The following LAMA2 variants were observed in gnomAD, a reference collection of about 807,000 sequenced individuals.
LAMA2 encodes the protein laminin subunit alpha 2, also known as laminin subunit alpha-2.
A neutral mutation model predicts 364.8 loss-of-function variants in LAMA2; 269 were observed. The ratio of observed to expected loss-of-function variants is 0.74; its 90% confidence interval spans 0.67 to 0.82. LAMA2 has a LOEUF of 0.82. Ranked by LOEUF, LAMA2 falls within the 40% of genes least tolerant of loss-of-function variation. The pLI is 0.00. For missense variants in LAMA2, 3,807 were observed against 3,873.2 expected, an observed-to-expected ratio of 0.98 and a Z score of 0.45; for synonymous variants, 1,379 against 1,370.6, an observed-to-expected ratio of 1.01 and a Z score of -0.14.
chr6:129,431,928 T>C (rs574681142), intron 41 of LAMA2, among the ~76,000 whole-genome samples: 90 of 152,302 alleles, frequency 5.9e-4, no homozygotes, highest in African/African-American at 2.1e-3. Context: ...TATTTTATAT[T>C]TTAAAAATAA....
At chr6:129,079,557 T>TG (rs2114835945) in intron 3 of LAMA2, among the ~76,000 whole-genome samples, 1 of 151,954 alleles carries the variant, frequency 6.6e-6, no homozygotes, top group South Asian at 2.1e-4. Context: ...TTTTCTGTTT[T>TG]TTTTTTTTTC....
intron 32 of LAMA2, among the ~76,000 whole-genome samples, chr6:129,355,446 A>G (rs973659711): frequency 4.6e-5 from 7 of 152,150 alleles, no homozygotes; most frequent in African/African-American, 1.7e-4. Flanking sequence ...ACAAGTGAGG[A>G]TGTAATTCTG....
chr6:129,465,120 TG>T, intron 50 of LAMA2, 24 bp from the exon 51 acceptor site: 1 of 1,590,608 alleles, frequency 6.3e-7, no homozygotes, highest in Non-Finnish European at 8.6e-7. Context: ...ATCTAACCAC[TG>T]GGGTATGTTT....
At chr6:129,184,976 T>G (rs1490860141) in intron 10 of LAMA2, among the ~76,000 whole-genome samples, 1 of 151,960 alleles carries the variant, frequency 6.6e-6, no homozygotes, top group East Asian at 1.9e-4. Context: ...ATACTGCTAA[T>G]TAACTAATTA....
intron 15 of LAMA2, among the ~76,000 whole-genome samples, chr6:129,262,467 T>C (rs1787200468): frequency 1.3e-5 from 2 of 151,952 alleles, no homozygotes; most frequent in African/African-American, 2.4e-5. Flanking sequence ...TGGTAACAGA[T>C]AGATAGAAGC....
At chr6:128,936,638 A>T (rs939577479) in intron 1 of LAMA2, among the ~76,000 whole-genome samples, 34 of 152,188 alleles carry the variant, frequency 2.2e-4, no homozygotes, top group African/African-American at 8.2e-4. Flanking sequence ...CAATAGAGCA[A>T]TTATAACAAT....
intron 3 of LAMA2, among the ~76,000 whole-genome samples, chr6:129,078,710 T>G (rs1773825659): frequency 6.6e-6 from 1 of 152,180 alleles, no homozygotes; most frequent in African/African-American, 2.4e-5. Flanking sequence ...GTGTACATTG[T>G]TGTGCAACCA....
At chr6:129,333,475 T>A (rs1444125188) in intron 29 of LAMA2, among the ~76,000 whole-genome samples, 2 of 152,214 alleles carry the variant, frequency 1.3e-5, no homozygotes, top group African/African-American at 2.4e-5. Flanking sequence ...ATTACTCATA[T>A]GCTTAATTGT....
intron 29 of LAMA2, among the ~76,000 whole-genome samples, chr6:129,330,622 G>A (rs550894895): frequency 2.7e-5 from 3 of 111,088 alleles, no homozygotes; most frequent in East Asian, 2.5e-4. Flanking sequence ...TTTTCCCACT[G>A]TGTCGTTTCT....
intron 4 of LAMA2, among the ~76,000 whole-genome samples, chr6:129,120,796 G>A (rs913661488): frequency 6.6e-6 from 1 of 152,074 alleles, no homozygotes; most frequent in Non-Finnish European, 1.5e-5. Flanking sequence ...CTTTTGCTGT[G>A]GTATTTGCTC....
chr6:129,432,868 A>G lies in LAMA2; in HGVS notation c.5968+5014A>G, dbSNP rs76608034. The stretch of plus-strand genomic sequence containing the variant: ...GCAGAACCTGCTACCAGACAAGTAC[A>G]CCTTCCCTCCTTTCCTGAAGCTCCT... On this transcript the variant is annotated intron_variant, in intron 41 of 64. Coordinates refer to ENST00000421865, the MANE Select transcript of LAMA2 (RefSeq NM_000426.4). Among the ~76,000 whole-genome samples, 925 of 152,228 alleles carry G rather than the reference A, an allele frequency of 6.1e-3. 8 individuals are homozygous for G. The highest frequency in any genetic ancestry group is 0.02 in the African/African-American group (825 of 41,554).
At position 129,476,105 on chromosome 6, in the gene LAMA2, C is replaced by T. The variant is rs191145040; in HGVS notation, c.7451+704C>T. Among the ~76,000 whole-genome samples, 133 of 152,286 alleles carry T rather than the reference C, an allele frequency of 8.7e-4. 4 individuals carry two copies. Among genetic ancestry groups the T allele is most frequent in the African/African-American group, 3.2e-3 (131 of 41,572 alleles). The stretch of plus-strand genomic sequence containing the variant: ...CATAAAAGCTGTGAGCAATGGGCCT[C>T]CATAAATGGCTGAACAAACCTCAGA... On this transcript the variant is annotated intron_variant, in intron 53 of 64. Coordinates refer to ENST00000421865, the MANE Select transcript of LAMA2 (RefSeq NM_000426.4).
chr6:129,123,037 C>T (rs557456058), intron 4 of LAMA2, among the ~76,000 whole-genome samples: 1 of 152,138 alleles, frequency 6.6e-6, no homozygotes, highest in Non-Finnish European at 1.5e-5. Context: ...TGTGGTGGCT[C>T]AAGCCTGTAA....
chr6:129,454,327 G>A, intron 47 of LAMA2, 39 bp downstream of exon 47: 1 of 1,537,234 alleles, frequency 6.5e-7, no homozygotes, highest in African/African-American at 1.4e-5. Context: ...TTAAATGATA[G>A]AATTTTGAAG....
chr6:129,347,206 T>A (rs1010297408), intron 30 of LAMA2, among the ~76,000 whole-genome samples: 1 of 151,730 alleles, frequency 6.6e-6, no homozygotes, highest in Non-Finnish European at 1.5e-5. Flanking sequence ...ATAAGTGGAG[T>A]GTGAGAGAGG....
chr6:129,073,697 A>G (rs1392922816), intron 3 of LAMA2, among the ~76,000 whole-genome samples: 4 of 151,842 alleles, frequency 2.6e-5, no homozygotes, highest in African/African-American at 7.3e-5. Context: ...TTGTATTTTT[A>G]TTTTTTAGTT....
chr6:129,145,272 A>ACCTCT (rs1778368783), intron 5 of LAMA2, among the ~76,000 whole-genome samples: 1 of 151,786 alleles, frequency 6.6e-6, no homozygotes, highest in Non-Finnish European at 1.5e-5. Flanking sequence ...CCCACACCCA[A>ACCTCT]CCTCTCCATC....
chr6:129,431,120 C>T (rs554153505), intron 41 of LAMA2, among the ~76,000 whole-genome samples: 5 of 151,888 alleles, frequency 3.3e-5, no homozygotes, highest in African/African-American at 1.2e-4. Context: ...ACATGTTGGC[C>T]AGGTGCGGTG....
chr6:129,186,882 T>TATA (rs1781259453), intron 10 of LAMA2, among the ~76,000 whole-genome samples: 1 of 151,810 alleles, frequency 6.6e-6, no homozygotes, highest in African/African-American at 2.4e-5. Context: ...CTTCCTTTGC[T>TATA]ATAATCCTCT....
Sources: gnomAD v4.1 joint callset for allele counts (sites outside exome capture counted in the v4.1 genomes callset) on GRCh38, gnomAD v4.1.1 for gene constraint, MANE v1.5 for transcripts, NCBI Gene and HGNC (gene_info 2026-07-23, HGNC 2026-07-21) for gene names.